The following CHRNA7 variants were observed in gnomAD, a reference collection of about 807,000 sequenced individuals.
CHRNA7 encodes the protein neuronal acetylcholine receptor subunit alpha-7.
In CHRNA7, 17 loss-of-function variants were observed where a neutral mutation model predicts 48.0. The observed-to-expected ratio is 0.35, with a 90% CI of 0.24 to 0.53. The LOEUF (loss-of-function observed/expected upper bound fraction) is 0.53. Among genes scored for constraint, CHRNA7 ranks in the 20% least tolerant of loss-of-function variants. The pLI is 0.92. For synonymous variants in CHRNA7, 75 were observed against 242.3 expected, an observed-to-expected ratio of 0.31 and a Z score of 6.41; for missense variants, 155 against 577.7, an observed-to-expected ratio of 0.27 and a Z score of 7.50.
chr15:32,144,662 A>AT (rs2051449748), intron 4 of CHRNA7, among the ~76,000 whole-genome samples: 1 of 152,168 alleles, frequency 6.6e-6, no homozygotes, highest in Non-Finnish European at 1.5e-5. Context: ...CATTTCATTA[A>AT]TTTGATCTTC....
chr15:32,086,653 A>G (rs1445085572), intron 2 of CHRNA7, among the ~76,000 whole-genome samples: 1 of 152,124 alleles, frequency 6.6e-6, no homozygotes, highest in Non-Finnish European at 1.5e-5. Context: ...TCCATGTAGC[A>G]TTTAGTCCTT....
intron 4 of CHRNA7, among the ~76,000 whole-genome samples, chr15:32,126,742 G>T (rs893688287): frequency 6.6e-6 from 1 of 152,024 alleles, no homozygotes; most frequent in Non-Finnish European, 1.5e-5. Flanking sequence ...GTTTCTAACA[G>T]ATTAATAATT....
chr15:32,132,716 A>G (rs1176864068), intron 4 of CHRNA7, among the ~76,000 whole-genome samples: 2 of 152,070 alleles, frequency 1.3e-5, no homozygotes, highest in East Asian at 3.9e-4. Context: ...CCCTCTTCCT[A>G]TAAGGCCACC....
intron 2 of CHRNA7, among the ~76,000 whole-genome samples, chr15:32,042,469 C>G (rs956257689): frequency 7.2e-5 from 11 of 152,148 alleles, no homozygotes; most frequent in African/African-American, 2.7e-4. Flanking sequence ...AACATTTCTT[C>G]AGTATTTCCT....
At chr15:32,070,702 T>G (rs752552303) in intron 2 of CHRNA7, among the ~76,000 whole-genome samples, 8,944 of 97,232 alleles carry the variant, frequency 0.092, 589 homozygotes, top group East Asian at 0.18. Flanking sequence ...TTTTTTTTTT[T>G]TTGAGACGGA....
chr15:32,057,019 A>G (rs1257836860), intron 2 of CHRNA7, among the ~76,000 whole-genome samples: 2 of 152,162 alleles, frequency 1.3e-5, no homozygotes, highest in Non-Finnish European at 2.9e-5. Flanking sequence ...ACAGAAGCAA[A>G]TTAGATAATC....
chr15:32,100,797 GTCATGGCCC>G (rs2050557735), intron 2 of CHRNA7: 1 of 157,118 alleles, frequency 6.4e-6, no homozygotes, highest in Non-Finnish European at 1.4e-5. Context: ...ACAAGGCAGA[GTCATGGCCC>G]TCATGGCACC....
Position 32,139,863 on chromosome 15 carries a change from G to A in CHRNA7, c.351-14044G>A, listed in dbSNP as rs138977630. On this transcript the variant is annotated intron_variant, in intron 4 of 9. Coordinates refer to ENST00000306901, the MANE Select transcript of CHRNA7 (RefSeq NM_000746.6). ...TATTTTTAAAAAAGAAATTCAAAAA[G>A]GTAGGTTTACAGGCAAGTTCCACCC... is the stretch of plus-strand genomic sequence containing the variant. Among the ~76,000 whole-genome samples the A allele has an allele frequency of 4.6e-5, 7 of 152,066 alleles. No individual in the cohort carries two copies. In the East Asian group the frequency reaches 1.3e-3, roughly 29 times the overall value.
intron 3 of CHRNA7, 53 bp downstream of exon 3, chr15:32,101,400 A>G (rs2050570125): frequency 1.9e-6 from 3 of 1,543,504 alleles, no homozygotes; most frequent in Non-Finnish European, 2.6e-6. Context: ...CTTGCACCCA[A>G]GATTCTTGTT....
At chr15:32,119,756 G>A (rs1167795800) in intron 4 of CHRNA7, among the ~76,000 whole-genome samples, 2 of 152,162 alleles carry the variant, frequency 1.3e-5, no homozygotes, top group Non-Finnish European at 2.9e-5. Context: ...GCCTGTGGCA[G>A]TGGGCAGGTT....
At chr15:32,133,868 A>C (rs937116273) in intron 4 of CHRNA7, among the ~76,000 whole-genome samples, 1 of 152,194 alleles carries the variant, frequency 6.6e-6, no homozygotes, top group Non-Finnish European at 1.5e-5. Context: ...CCAGGTCCAC[A>C]GGATCTCCAT....
chr15:32,088,481 A>G (rs949058525), intron 2 of CHRNA7, among the ~76,000 whole-genome samples: 3 of 152,188 alleles, frequency 2.0e-5, no homozygotes, highest in African/African-American at 7.2e-5. Context: ...TGGTAACACT[A>G]GGTTTAGTTT....
intron 3 of CHRNA7, among the ~76,000 whole-genome samples, chr15:32,110,315 C>T (rs935745944): frequency 9.2e-5 from 14 of 152,210 alleles, no homozygotes; most frequent in Non-Finnish European, 1.3e-4. Context: ...ACAACTAGGA[C>T]AAGACCCACC....
At chr15:32,048,663 A>G (rs1225176013) in intron 2 of CHRNA7, among the ~76,000 whole-genome samples, 1 of 150,896 alleles carries the variant, frequency 6.6e-6, no homozygotes, top group African/African-American at 2.4e-5. Flanking sequence ...TTGTGTCTCT[A>G]TTTCCTTCAG....
intron 2 of CHRNA7, among the ~76,000 whole-genome samples, chr15:32,073,326 G>T (rs1224521238): frequency 1.3e-5 from 2 of 152,180 alleles, no homozygotes; most frequent in African/African-American, 4.8e-5. Context: ...CTTTAGGAAT[G>T]GGAATGTTTA....
chr15:32,101,461 C>G, intron 3 of CHRNA7, 114 bp downstream of exon 3: 9 of 924,254 alleles, frequency 9.7e-6, no homozygotes, highest in Non-Finnish European at 1.4e-5. Context: ...GAAAAAAAAC[C>G]AAAAAAACAA....
chr15:32,045,614 G>A lies in CHRNA7; in HGVS notation c.195+14577G>A, dbSNP rs149861992. 5.9e-3 allele frequency among the ~76,000 whole-genome samples: 888 copies of A among 151,250 alleles called. 7 individuals are homozygous for A. Among genetic ancestry groups the A allele is most frequent in the Middle Eastern group, 0.054 (16 of 294 alleles). On this transcript the variant is annotated intron_variant, in intron 2 of 9. Coordinates refer to ENST00000306901, the MANE Select transcript of CHRNA7 (RefSeq NM_000746.6). ...TATGGTGGCACAGTCTCGGCTCACT[G>A]CAACCTCTCTCTCCCGGGTTCCAGT...
At chr15:32,138,112 TA>T (rs1383750137) in intron 4 of CHRNA7, among the ~76,000 whole-genome samples, 1 of 151,282 alleles carries the variant, frequency 6.6e-6, no homozygotes, top group East Asian at 1.9e-4. Flanking sequence ...ATAAGAAAAC[TA>T]AAATAGAGAT....
chr15:32,116,764 C>A (rs2050879210), intron 4 of CHRNA7, among the ~76,000 whole-genome samples: 1 of 152,204 alleles, frequency 6.6e-6, no homozygotes, highest in Admixed American at 6.5e-5. Flanking sequence ...TCAGAAAATT[C>A]TATTGCAATA....
Sources: gnomAD v4.1 joint callset for allele counts (sites outside exome capture counted in the v4.1 genomes callset) on GRCh38, gnomAD v4.1.1 for gene constraint, MANE v1.5 for transcripts, NCBI Gene and HGNC (gene_info 2026-07-23, HGNC 2026-07-21) for gene names.